RAVER1: variants seen among roughly 807,000 people sequenced by gnomAD.
RAVER1 encodes the protein ribonucleoprotein PTB-binding 1.
In RAVER1, 36 loss-of-function variants were observed where a neutral mutation model predicts 68.4. That is an observed-to-expected ratio of 0.53 (90% confidence interval 0.40 to 0.70). The LOEUF (loss-of-function observed/expected upper bound fraction) is 0.70, where lower values mean the gene tolerates loss of function less well. Among genes scored for constraint, RAVER1 ranks in the 30% least tolerant of loss-of-function variants. RAVER1 has a pLI of 0.00. For missense variants in RAVER1, 933 were observed against 1,019.8 expected (o/e 0.91, Z 1.16); for synonymous variants, 469 against 472.7 (o/e 0.99, Z 0.10).
At chr19:10,325,182 G>A (rs922535966) in intron 3 of RAVER1, among the ~76,000 whole-genome samples, 11 of 151,948 alleles carry the variant, frequency 7.2e-5, no homozygotes, top group Admixed American at 7.2e-4. Context: ...CACCACGCCT[G>A]GCTAATTTTT....
In RAVER1 at chr19:10,323,020, TC is replaced by T; in HGVS notation, c.1078+124del. 1.2e-6 allele frequency: 1 copy of T among 814,764 alleles called. No individual in the cohort carries two copies. Among genetic ancestry groups the T allele is most frequent in the Non-Finnish European group, 1.9e-6 (1 of 530,474 alleles). 50.5% of individuals were successfully genotyped at this position (814,764 alleles called of 1,614,324 possible). On this transcript the variant is annotated intron_variant, in intron 5 of 12. Coordinates refer to ENST00000617231, the MANE Select transcript of RAVER1 (RefSeq NM_133452.3). This position sits in a 1 kb window ranked among gnomAD's most constrained non-coding sequence, Gnocchi z 6.2. ...AGCAGCCCCCGCTATGACTCCATAC[TC>T]CCCCTCGGCCCTACTCCTGGGGCTC...
rs201049445 is a variant in RAVER1, at chr19:10,328,702, G to A, written c.696C>T (p.Phe232=). Residue 232 remains phenylalanine (F), a synonymous_variant, in exon 3 of 13, where the codon TTC becomes TTT. Coordinates refer to ENST00000617231, the MANE Select transcript of RAVER1 (RefSeq NM_133452.3). The surrounding 1 kb of genome is among the most constrained non-coding windows in gnomAD (Gnocchi z 4.4). The part of the protein sequence containing the change: ...CLCVDRLPPG[F]NDVDALCRAL... ...CCCGGCACAGAGCGTCCACATCGTT[G>A]AAGCCAGGTGGCAGGCGGTCCACAC... The A allele has an allele frequency of 1.9e-4, 306 of 1,606,996 alleles. No homozygotes were observed. The highest frequency in any genetic ancestry group is 2.5e-4 in the Non-Finnish European group (290 of 1,177,342).
At chr19:10,320,144 C>G (rs1051742601) in intron 9 of RAVER1, among the ~76,000 whole-genome samples, 2 of 152,068 alleles carry the variant, frequency 1.3e-5, no homozygotes, top group Non-Finnish European at 2.9e-5. Context: ...TCCTCCAGGG[C>G]TCGAGAATGG....
At chr19:10,318,805 C>G (rs1470477686) in intron 10 of RAVER1, among the ~76,000 whole-genome samples, 1 of 152,194 alleles carries the variant, frequency 6.6e-6, no homozygotes, top group Non-Finnish European at 1.5e-5. Context: ...CTGTGGACGC[C>G]AAATATGTGA....
intron 11 of RAVER1, 129 bp downstream of exon 11, chr19:10,318,100 G>A: frequency 1.3e-6 from 1 of 766,412 alleles, no homozygotes; most frequent in South Asian, 1.8e-5. Flanking sequence ...ACTCCACCCT[G>A]AGCAAGACCA....
At chr19:10,331,353 T>G (rs1405854366) in intron 1 of RAVER1, among the ~76,000 whole-genome samples, 1 of 47,688 alleles carries the variant, frequency 2.1e-5, no homozygotes, top group Non-Finnish European at 3.4e-5. Context: ...CGAGACTCCG[T>G]CTCAAAAAAA....
Position 10,322,662 on chromosome 19 carries a change from G to A in RAVER1, c.1156C>T (p.Gln386Ter). The A allele has an allele frequency of 6.5e-7, 1 of 1,536,750 alleles. No homozygotes were observed. The highest frequency in any genetic ancestry group is 1.4e-5 in the African/African-American group (1 of 70,062). The change falls in exon 6 of 13, where the codon CAG becomes TAG. Residue 386 changes from glutamine (Q) to a stop codon, truncating the protein, a stop_gained. Transcript: ENST00000617231. LOFTEE classifies it high-confidence loss of function. The surrounding 1 kb of genome is among the most constrained non-coding windows in gnomAD (Gnocchi z 4.3). Reference protein sequence around the residue: ...LSTALLQLALQTQGQKKPGIL... With the variant: ...LSTALLQLAL The stretch of plus-strand genomic sequence containing the variant: ...TGTGTTACCTTCTGGCCCTGGGTCT[G>A]CAGGGCGAGCTGCAACAGCGCCGTG...
chr19:10,322,948 T>A lies in RAVER1; in HGVS notation c.1078+197A>T, dbSNP rs1188236835. On this transcript the variant is annotated intron_variant, in intron 5 of 12. Transcript: ENST00000617231. This position sits in a 1 kb window ranked among gnomAD's most constrained non-coding sequence, Gnocchi z 4.3. The stretch of plus-strand genomic sequence containing the variant: ...CCCTCTTGTCAGCACCCCACCTCAC[T>A]GCAGGCTGCTGTGTGGCCCTGGTCC... Among the ~76,000 whole-genome samples the A allele has an allele frequency of 1.3e-5, 2 of 152,122 alleles. No homozygotes were observed. Among genetic ancestry groups the A allele is most frequent in the Non-Finnish European group, 2.9e-5 (2 of 67,998 alleles).
chr19:10,321,272 G>T lies in RAVER1; in HGVS notation c.1262-13C>A. 2 of 1,247,514 alleles carry T rather than the reference G, an allele frequency of 1.6e-6. No individual in the cohort carries two copies. The highest frequency in any genetic ancestry group is 2.0e-6 in the Non-Finnish European group (2 of 983,734). The allele number at this position is 1,247,514 out of a possible 1,614,324, so 77.3% of individuals were successfully genotyped here. On this transcript the variant is annotated splice_polypyrimidine_tract_variant and intron_variant, in intron 7 of 12. Transcript: ENST00000617231. ...GGCAGGCCCCCTCCTAGGGAGGGAA[G>T]GAGGATTTCAGGGGCCCAGGCTCAC...
chr19:10,318,904 G>T (rs930254390), intron 10 of RAVER1, among the ~76,000 whole-genome samples: 14 of 152,138 alleles, frequency 9.2e-5, no homozygotes, highest in Non-Finnish European at 1.6e-4. Flanking sequence ...GCCTGGCATG[G>T]TATGGTGGCT....
Position 10,316,279 on chromosome 19 carries a change from G to A in RAVER1, c.*1175C>T. The A allele has an allele frequency of 7.9e-7, 1 of 1,271,106 alleles. No homozygotes were observed. The highest frequency in any genetic ancestry group is 9.9e-7 in the Non-Finnish European group (1 of 1,008,164). The allele number at this position is 1,271,106 out of a possible 1,614,324, so 78.7% of individuals were successfully genotyped here. A position where few individuals can be genotyped will look rare whatever the true frequency, so the allele number is the denominator to read the frequency against. On this transcript the variant is annotated 3_prime_UTR_variant, in exon 13 of 13. Transcript: ENST00000617231. ...GTCCGTGTGGGGAGACTGGGGTGGG[G>A]TCGGGGGAATAGTCCCCTTGGAGTG...
chr19:10,330,403 C>T, intron 2 of RAVER1, 57 bp downstream of exon 2: 1 of 819,334 alleles, frequency 1.2e-6, no homozygotes, highest in Non-Finnish European at 2.1e-6. Context: ...GAGCCAGGCC[C>T]TCCCATCTTC....
intron 1 of RAVER1, among the ~76,000 whole-genome samples, chr19:10,332,608 T>C (rs1481519709): frequency 6.6e-6 from 1 of 152,170 alleles, no homozygotes; most frequent in Non-Finnish European, 1.5e-5. Flanking sequence ...TAGATGCCAT[T>C]TCCCTGGGTC....
rs368751852 is a variant in RAVER1, at chr19:10,329,036, C to T, written c.362G>A (p.Arg121His). 2.3e-5 allele frequency: 36 copies of T among 1,548,346 alleles called. No individual in the cohort carries two copies. The South Asian group carries it at 2.4e-4, about 11-fold the overall frequency. ...NAFHQSRLRE[R>H]ELSVQLQPTD... ...GGGCTGCAGCTGCACCGACAGTTCA[C>T]GCTCCCGCAGGCGGCTCTGGTGGAA... is the stretch of plus-strand genomic sequence containing the variant. The change falls in exon 3 of 13, where the codon CGT becomes CAT. Residue 121 changes from arginine (R) to histidine (H), a missense_variant. Arg to His is a conservative substitution (Grantham distance 29). This residue lies in a region of RAVER1 where 211 missense variants were observed against 230.0 expected (regional missense o/e 0.92). Coordinates refer to ENST00000617231, the MANE Select transcript of RAVER1 (RefSeq NM_133452.3). The surrounding 1 kb of genome is among the most constrained non-coding windows in gnomAD (Gnocchi z 4.6).
rs763361229 is a variant in RAVER1 at position 10,328,651 on chromosome 19, G to A, written c.747C>T (p.Thr249=). Residue 249 remains threonine (T), a synonymous_variant, in exon 3 of 13, where the codon ACC becomes ACT. Coordinates refer to ENST00000617231, the MANE Select transcript of RAVER1 (RefSeq NM_133452.3). This position sits in a 1 kb window ranked among gnomAD's most constrained non-coding sequence, Gnocchi z 4.4. ...CRALSAVHSP[T]FCQLACGQDG... is the part of the protein sequence containing the mutation. ...TCTCCACAGGGCTCACCTGGCAGAA[G>A]GTGGGGCTGTGGACAGCTGACAGCG... is the stretch of plus-strand genomic sequence containing the variant. The A allele has an allele frequency of 1.9e-6, 3 of 1,558,480 alleles. No individual in the cohort carries two copies. The Admixed American group carries it at 5.8e-5, about 30-fold the overall frequency.
chr19:10,317,970 C>G lies in RAVER1; in HGVS notation c.1990-197G>C, dbSNP rs2040405753. Among the ~76,000 whole-genome samples the G allele has an allele frequency of 6.6e-6, 1 of 152,214 alleles. No individual in the cohort carries two copies. The highest frequency in any genetic ancestry group is 6.5e-5 in the Admixed American group (1 of 15,280). On this transcript the variant is annotated intron_variant, in intron 11 of 12. Coordinates refer to ENST00000617231, the MANE Select transcript of RAVER1 (RefSeq NM_133452.3). The surrounding 1 kb of genome is among the most constrained non-coding windows in gnomAD (Gnocchi z 4.3). ...TTTGAGCCTCGGTTTTCTCATCTGT[C>G]AGATGGGGCCAGTAGCACCCACAGC...
At position 10,323,609 on chromosome 19, in the gene RAVER1, T is replaced by C; in HGVS notation, c.757-43A>G. ...GCAGTCATGAGCATCTGGGCAGCAGTGACTGCACCACCCCGGGAAGTGACA... is the reference window on the plus strand; with the variant it reads ...GCAGTCATGAGCATCTGGGCAGCAGCGACTGCACCACCCCGGGAAGTGACA... On this transcript the variant is annotated intron_variant, in intron 3 of 12. Coordinates refer to ENST00000617231, the MANE Select transcript of RAVER1 (RefSeq NM_133452.3). This position sits in a 1 kb window ranked among gnomAD's most constrained non-coding sequence, Gnocchi z 6.2. 1 of 1,539,518 alleles carries C rather than the reference T, an allele frequency of 6.5e-7. No individual in the cohort carries two copies. The highest frequency in any genetic ancestry group is 8.7e-7 in the Non-Finnish European group (1 of 1,145,584).
rs2040407428 is a variant in RAVER1, at chr19:10,318,131, T to A, written c.1989+98A>T. On this transcript the variant is annotated intron_variant, in intron 11 of 12. Coordinates refer to ENST00000617231, the MANE Select transcript of RAVER1 (RefSeq NM_133452.3). Reference sequence around the variant, plus strand: ...GACCAACCCCTGCCACCACCCCAGCTTTGGCCTGGGCACCGAGGGTTACAG... The same window carrying A: ...GACCAACCCCTGCCACCACCCCAGCATTGGCCTGGGCACCGAGGGTTACAG... 3 of 1,090,958 alleles carry A rather than the reference T, an allele frequency of 2.7e-6. No homozygotes were observed. In the African/African-American group the frequency reaches 4.8e-5, roughly 18 times the overall value. The allele number at this position is 1,090,958 out of a possible 1,614,324, so 67.6% of individuals were successfully genotyped here.
intron 1 of RAVER1, among the ~76,000 whole-genome samples, chr19:10,332,331 C>T (rs2040526568): frequency 6.6e-6 from 1 of 152,198 alleles, no homozygotes; most frequent in Non-Finnish European, 1.5e-5. Flanking sequence ...AGTGCTGGCG[C>T]CTGCTGGGAC....
Sources: gnomAD v4.1 joint callset for allele counts (sites outside exome capture counted in the v4.1 genomes callset) on GRCh38, gnomAD v4.1.1 for gene constraint, gnomAD v4.1.1 regional missense constraint, Gnocchi (gnomAD v3.1) non-coding constraint, MANE v1.5 for transcripts, NCBI Gene and HGNC (gene_info 2026-07-23, HGNC 2026-07-21) for gene names.